The following HLA-DRB5 variants were observed in gnomAD, a reference collection of about 807,000 sequenced individuals.
HLA-DRB5 encodes major histocompatibility complex, class II, DR beta 5, also known as DR beta-5.
In HLA-DRB5, 11 loss-of-function variants were observed where a neutral mutation model predicts 22.4. The observed-to-expected ratio is 0.49, with a 90% CI of 0.31 to 0.81. The LOEUF (loss-of-function observed/expected upper bound fraction) is 0.81, where lower values mean the gene tolerates loss of function less well. Among genes scored for constraint, HLA-DRB5 ranks in the 40% least tolerant of loss-of-function variants. HLA-DRB5 has a pLI of 0.05. For missense variants in HLA-DRB5, 106 were observed against 274.4 expected (o/e 0.39, Z 4.34); for synonymous variants, 57 against 106.0 (o/e 0.54, Z 2.84).
At chr6:32,521,068 A>T (rs191239464) in intron 2 of HLA-DRB5, among the ~76,000 whole-genome samples, 5,342 of 23,652 alleles carry the variant, frequency 0.23, 2,207 homozygotes, top group Middle Eastern at 0.44. Flanking sequence ...AAATTAAATA[A>T]TAACCAGAAA....
At chr6:32,524,125 G>A (rs114786900) in intron 1 of HLA-DRB5, among the ~76,000 whole-genome samples, 31,396 of 57,118 alleles carry the variant, frequency 0.55, 14,101 homozygotes, top group Middle Eastern at 0.77. Flanking sequence ...AGCCACTAGT[G>A]GTTATGGAGC....
chr6:32,528,095 G>A (rs796082539), intron 1 of HLA-DRB5, among the ~76,000 whole-genome samples: 2,918 of 31,258 alleles, frequency 0.093, 177 homozygotes, highest in Middle Eastern at 0.16. Context: ...CCCCCAATTC[G>A]GTCTCCCTGG....
rs114770174 is a variant in HLA-DRB5 at position 32,524,975 on chromosome 6, A to G, written c.101-2801T>C. Among the ~76,000 whole-genome samples the G allele has an allele frequency of 7.4e-3, 274 of 37,108 alleles. 78 individuals carry two copies. The highest frequency in any genetic ancestry group is 7.6e-3 in the Non-Finnish European group (137 of 17,968). 24.3% of individuals were successfully genotyped at this position (37,108 alleles called of 152,430 possible). On this transcript the variant is annotated intron_variant, in intron 1 of 5. Coordinates refer to ENST00000374975, the MANE Select transcript of HLA-DRB5 (RefSeq NM_002125.4). Reference sequence around the variant, plus strand: ...AGAAGGAATGATTTAATACTTCTTTATGTTCTTCAACACATGCCTATGATA... The same window carrying G: ...AGAAGGAATGATTTAATACTTCTTTGTGTTCTTCAACACATGCCTATGATA...
At chr6:32,519,307 C>T in intron 3 of HLA-DRB5, 63 bp downstream of exon 3, 3 of 777,404 alleles carry the variant, frequency 3.9e-6, no homozygotes, top group Non-Finnish European at 5.7e-6. Flanking sequence ...ACCTGACACT[C>T]AGGGATTAGT....
chr6:32,518,446 A>C, intron 4 of HLA-DRB5, 110 bp downstream of exon 4: 1 of 330,746 alleles, frequency 3.0e-6, no homozygotes, highest in Non-Finnish European at 5.3e-6. Context: ...CATTTGTGGA[A>C]AGAAAGGCTT....
intron 3 of HLA-DRB5, 122 bp from the exon 4 acceptor site, chr6:32,518,788 T>A: frequency 3.4e-6 from 1 of 295,474 alleles, no homozygotes; most frequent in Non-Finnish European, 5.7e-6. Context: ...CTAAAATAAC[T>A]AGCCATTTCT....
At chr6:32,528,225 T>G (rs1294606004) in intron 1 of HLA-DRB5, among the ~76,000 whole-genome samples, 7,228 of 36,756 alleles carry the variant, frequency 0.2, 15 homozygotes, top group Admixed American at 0.25. Flanking sequence ...CATTTCTCTC[T>G]TTTCCACAAA....
intron 1 of HLA-DRB5, among the ~76,000 whole-genome samples, chr6:32,524,449 A>G (rs1279256205): frequency 0.04 from 3,877 of 96,598 alleles, no homozygotes; most frequent in African/African-American, 0.047. Context: ...TCCCAACAAT[A>G]CTAGCAGGCA....
chr6:32,523,934 C>T (rs112791146), intron 1 of HLA-DRB5, among the ~76,000 whole-genome samples: 2 of 120,162 alleles, frequency 1.7e-5, no homozygotes, highest in Non-Finnish European at 3.6e-5. Flanking sequence ...TGTAGGTTCT[C>T]TAGCAGTGTC....
chr6:32,529,775 T>G, intron 1 of HLA-DRB5, among the ~76,000 whole-genome samples: 1 of 139,964 alleles, frequency 7.1e-6, no homozygotes, highest in Non-Finnish European at 1.5e-5. Context: ...AAAAACTCGT[T>G]TTGTCTGACA....
At chr6:32,523,677 C>G (rs112234357) in intron 1 of HLA-DRB5, among the ~76,000 whole-genome samples, 6,194 of 92,556 alleles carry the variant, frequency 0.067, no homozygotes, top group East Asian at 0.085. Flanking sequence ...AACTATGAAG[C>G]TATTAAACTT....
At chr6:32,519,015 T>C (rs1175389200) in intron 3 of HLA-DRB5, among the ~76,000 whole-genome samples, 1 of 115,768 alleles carries the variant, frequency 8.6e-6, no homozygotes, top group Non-Finnish European at 1.9e-5. Context: ...GCCCCTACAC[T>C]TCTCCTCTTC....
chr6:32,530,062 T>C, intron 1 of HLA-DRB5, 63 bp downstream of exon 1: 3 of 887,428 alleles, frequency 3.4e-6, no homozygotes, highest in South Asian at 1.4e-5. Context: ...CTGGGCACAA[T>C]GTTAACAAAA....
chr6:32,527,687 G>A lies in HLA-DRB5; in HGVS notation c.100+2438C>T, dbSNP rs1223900156. On this transcript the variant is annotated intron_variant, in intron 1 of 5. Coordinates refer to ENST00000374975, the MANE Select transcript of HLA-DRB5 (RefSeq NM_002125.4). ...AGGTCAGGAGTTGAAGACCAGCCTG[G>A]CCAACATGGTGAAAGTCTGTCTCTA... 8.0e-5 allele frequency among the ~76,000 whole-genome samples: 3 copies of A among 37,688 alleles called. 1 individual carries two copies. Among genetic ancestry groups the A allele is most frequent in the African/African-American group, 3.0e-4 (3 of 9,914 alleles). 24.7% of individuals were successfully genotyped at this position (37,688 alleles called of 152,430 possible).
rs114856560 is a variant in HLA-DRB5, at chr6:32,520,704, G to A, written c.371-1053C>T. ...TTTTTTAAGAAGGAAGGAGAAACCT[G>A]GAGACAAAAATACCACAAAATGATA... On this transcript the variant is annotated intron_variant, in intron 2 of 5. Coordinates refer to ENST00000374975, the MANE Select transcript of HLA-DRB5 (RefSeq NM_002125.4). Among the ~76,000 whole-genome samples the A allele has an allele frequency of 1.7e-4, 9 of 54,290 alleles. 1 individual carries two copies. The highest frequency in any genetic ancestry group is 5.1e-4 in the South Asian group (1 of 1,944). The allele number at this position is 54,290 out of a possible 152,430, so 35.6% of individuals were successfully genotyped here.
At chr6:32,524,016 CAA>C (rs1562441485) in intron 1 of HLA-DRB5, among the ~76,000 whole-genome samples, 1 of 45,398 alleles carries the variant, frequency 2.2e-5, no homozygotes, top group African/African-American at 8.3e-5. Flanking sequence ...AACATTGCCA[CAA>C]GTTCCCCAAG....
chr6:32,526,034 T>C (rs34328528), intron 1 of HLA-DRB5, among the ~76,000 whole-genome samples: 6,139 of 96,590 alleles, frequency 0.064, 34 homozygotes, highest in Admixed American at 0.1. Flanking sequence ...TCAGCCTCTT[T>C]AGCCTTTTCC....
In HLA-DRB5 at chr6:32,518,610, G is replaced by A. The variant is rs1338623621; in HGVS notation, c.709C>T (p.Leu237=). The A allele has an allele frequency of 3.1e-6, 2 of 650,112 alleles. No homozygotes were observed. Among genetic ancestry groups the A allele is most frequent in the East Asian group, 5.5e-5 (1 of 18,244 alleles). 40.3% of individuals were successfully genotyped at this position (650,112 alleles called of 1,614,324 possible). The stretch of plus-strand genomic sequence containing the variant: ...CCGGCCCCAAGGAAGAGCAGGCCCA[G>A]CACAAAGCCCCCGACTCCACTCAGC... ...KMLSGVGGFV[L]GLLFLGAGLF... The change falls in exon 4 of 6, where the codon CTG becomes TTG. Residue 237 remains leucine, a synonymous_variant. Transcript: ENST00000374975.
chr6:32,520,528 C>G (rs1418443575), intron 2 of HLA-DRB5, among the ~76,000 whole-genome samples: 18 of 39,172 alleles, frequency 4.6e-4, no homozygotes, highest in South Asian at 2.4e-3. Flanking sequence ...CCCATGCAAA[C>G]AAGCATAACT....
Sources: allele counts gnomAD v4.1 joint callset (sites outside exome capture counted in the v4.1 genomes callset), GRCh38; gene constraint gnomAD v4.1.1; transcripts MANE v1.5; gene names NCBI Gene and HGNC (gene_info 2026-07-23, HGNC 2026-07-21).